TMEM259: variants seen among roughly 807,000 people sequenced by gnomAD.
The protein encoded by TMEM259 is transmembrane protein 259.
TMEM259 carries 26 observed loss-of-function variants against 46.7 expected under a neutral mutation model. The observed-to-expected ratio is 0.56, with a 90% CI of 0.41 to 0.77. TMEM259 has a LOEUF of 0.77. Among genes scored for constraint, TMEM259 ranks in the 30% least tolerant of loss-of-function variants. TMEM259 has a pLI of 0.00. For missense variants in TMEM259, 930 were observed against 900.5 expected, an observed-to-expected ratio of 1.03 and a Z score of -0.42; for synonymous variants, 494 against 395.1, an observed-to-expected ratio of 1.25 and a Z score of -2.97.
In TMEM259 at chr19:1,010,700, C is replaced by T. The variant is rs541213100; in HGVS notation, c.1513G>A (p.Val505Ile). 8.8e-4 allele frequency: 1,354 copies of T among 1,530,010 alleles called. 1 individual carries two copies. Among genetic ancestry groups the T allele is most frequent in the Non-Finnish European group, 1.1e-3 (1,226 of 1,144,414 alleles). 94.8% of individuals were successfully genotyped at this position (1,530,010 alleles called of 1,614,324 possible). The change falls in exon 11 of 11, where the codon GTC becomes ATC. Residue 505 changes from valine (V) to isoleucine (I), a missense_variant. Transcript: ENST00000356663. ...SAGQPPALGP[V>I]SPGASGSPGP... ...GGACTCCCGCTGGCCCCAGGCGAGACGGGGCCCAGGGCGGGGGGCTGGCCG... is the reference window on the plus strand; with the variant it reads ...GGACTCCCGCTGGCCCCAGGCGAGATGGGGCCCAGGGCGGGGGGCTGGCCG...
chr19:1,014,549 CGT>C, intron 1 of TMEM259, 76 bp from the exon 2 acceptor site: 1 of 1,363,538 alleles, frequency 7.3e-7, no homozygotes, highest in Non-Finnish European at 9.6e-7. Flanking sequence ...CGTGATGGGG[CGT>C]GATGGGGCGC....
At chr19:1,016,658 C>G (rs1019181301) in intron 1 of TMEM259, among the ~76,000 whole-genome samples, 2 of 152,310 alleles carry the variant, frequency 1.3e-5, no homozygotes, top group East Asian at 1.9e-4. Flanking sequence ...ACAGAGGTCC[C>G]GACAGACCTG....
At chr19:1,015,497 G>A (rs910070986) in intron 1 of TMEM259, among the ~76,000 whole-genome samples, 1 of 152,170 alleles carries the variant, frequency 6.6e-6, no homozygotes, top group African/African-American at 2.4e-5. Context: ...CAGGGAGCCC[G>A]CCTCACCGTC....
chr19:1,019,792 C>T (rs1002074005), intron 1 of TMEM259, among the ~76,000 whole-genome samples: 11 of 152,206 alleles, frequency 7.2e-5, no homozygotes, highest in Non-Finnish European at 1.3e-4. Flanking sequence ...CCCCAAGCCC[C>T]GGCGCGGCGG....
At chr19:1,014,566 G>A in intron 1 of TMEM259, 93 bp from the exon 2 acceptor site, 1 of 1,374,690 alleles carries the variant, frequency 7.3e-7, no homozygotes, top group Admixed American at 2.4e-5. Context: ...GGGCGCGCTG[G>A]GACGCCCAGG....
Position 1,009,760 on chromosome 19 carries a change from G to A in TMEM259, c.*590C>T. On this transcript the variant is annotated 3_prime_UTR_variant, in exon 11 of 11. Coordinates refer to ENST00000356663, the MANE Select transcript of TMEM259 (RefSeq NM_001033026.2). ...CATTCCTCCCCGAGTGACTGGTTTG[G>A]CCGCCGGCCCACTCCATCCCCGAGT... 1.5e-6 allele frequency: 1 copy of A among 681,336 alleles called. No homozygotes were observed. Among genetic ancestry groups the A allele is most frequent in the Non-Finnish European group, 2.2e-6 (1 of 460,772 alleles). The allele number at this position is 681,336 out of a possible 1,614,324, so 42.2% of individuals were successfully genotyped here.
At chr19:1,017,245 C>G (rs2039140184) in intron 1 of TMEM259, 1 of 400,102 alleles carries the variant, frequency 2.5e-6, no homozygotes, top group Admixed American at 4.4e-5. Flanking sequence ...GCAGCCTCGT[C>G]CACGCCCACA....
intron 4 of TMEM259, 56 bp downstream of exon 4, chr19:1,012,407 A>C: frequency 6.5e-7 from 1 of 1,535,166 alleles, no homozygotes; most frequent in Non-Finnish European, 8.8e-7. Context: ...AGGAGACCCG[A>C]GGGAGGAGGG....
At chr19:1,013,573 A>G in intron 2 of TMEM259, 1 of 506,186 alleles carries the variant, frequency 2.0e-6, no homozygotes, top group Non-Finnish European at 3.6e-6. Flanking sequence ...CCTGAAGCTG[A>G]GGCAAGGGCC....
Position 1,011,612 on chromosome 19 carries a change from G to T in TMEM259, c.1052C>A (p.Ala351Glu). ...GGCCAGGATGACGGTCAGCAGGGGC[G>T]CTGCGGGGAAGGCGATGGCCATGTT... ...EMNMAIAFPA[A>E]PLLTVILALV... The change falls in exon 8 of 11, where the codon GCG becomes GAG. Residue 351 changes from alanine to glutamate, a missense_variant. By Grantham distance (107) the Ala-to-Glu change is moderately radical (BLOSUM62 -1). Coordinates refer to ENST00000356663, the MANE Select transcript of TMEM259 (RefSeq NM_001033026.2). The T allele has an allele frequency of 6.5e-7, 1 of 1,545,878 alleles. No individual in the cohort carries two copies. The highest frequency in any genetic ancestry group is 8.7e-7 in the Non-Finnish European group (1 of 1,145,562).
chr19:1,009,680 T>TACAA lies in TMEM259; in HGVS notation c.*666_*669dup, dbSNP rs1472405243. ...CTGTCAACAGACAGTTTATTCTATA[T>TACAA]ACAAACACAATTTTGTACACTGCAA... On this transcript the variant is annotated 3_prime_UTR_variant, in exon 11 of 11. Transcript: ENST00000356663. The TACAA allele has an allele frequency of 2.6e-6, 3 of 1,170,602 alleles. No homozygotes were observed. The African/African-American group carries it at 4.9e-5, about 19-fold the overall frequency. The allele number at this position is 1,170,602 out of a possible 1,614,324, so 72.5% of individuals were successfully genotyped here.
At position 1,010,382 on chromosome 19, in the gene TMEM259, G is replaced by A. The variant is rs2038860663; in HGVS notation, c.1831C>T (p.Pro611Ser). The A allele has an allele frequency of 6.6e-7, 1 of 1,506,778 alleles. No individual in the cohort carries two copies. Among genetic ancestry groups the A allele is most frequent in the Non-Finnish European group, 8.8e-7 (1 of 1,135,290 alleles). 93.3% of individuals were successfully genotyped at this position (1,506,778 alleles called of 1,614,324 possible). The change falls in exon 11 of 11, where the codon CCA becomes TCA. Residue 611 changes from proline (P) to serine (S), a missense_variant. Pro to Ser is a moderately conservative substitution (Grantham distance 74). Transcript: ENST00000356663. ...CCCACCTCCGAGGGCGCCTCCGTTG[G>A]GGCCATGGAGGCCGGGCTAGGCCCG... ...VGGPSPASMA[P>S]TEAPSEVGS
rs1299196510 is a variant in TMEM259, at chr19:1,010,878, G to A, written c.1335C>T (p.Phe445=). 4.5e-6 allele frequency: 7 copies of A among 1,539,788 alleles called. No homozygotes were observed. Among genetic ancestry groups the A allele is most frequent in the African/African-American group, 2.8e-5 (2 of 72,412 alleles). Residue 445 remains phenylalanine (F), a synonymous_variant, in exon 11 of 11, where the codon TTC becomes TTT. Coordinates refer to ENST00000356663, the MANE Select transcript of TMEM259 (RefSeq NM_001033026.2). ...TGGCAGGCAGCTCGTAGTGGTGGAA[G>A]AAGTAGATCATGGAATGCTGCGGGA... ...WLFIQHSMIY[F]FHHYELPAIL...
At chr19:1,017,425 ACGG>A (rs1471944841) in intron 1 of TMEM259, 8 of 399,636 alleles carry the variant, frequency 2.0e-5, no homozygotes, top group Non-Finnish European at 3.5e-5. Flanking sequence ...CTCCAGCCCC[ACGG>A]CCTTCCCACA....
In TMEM259 at chr19:1,012,012, G is replaced by A. The variant is rs371078138; in HGVS notation, c.842-20C>T. On this transcript the variant is annotated intron_variant, in intron 5 of 10. Coordinates refer to ENST00000356663, the MANE Select transcript of TMEM259 (RefSeq NM_001033026.2). ...GGAAGCCTGCAGCAGAAGGAGCCGT[G>A]AGCGCCCGCCCCCACCCGCGCCCTC... 6.8e-6 allele frequency: 11 copies of A among 1,611,600 alleles called. No homozygotes were observed. The highest frequency in any genetic ancestry group is 2.2e-5 in the South Asian group (2 of 91,000).
rs754805969 is a variant in TMEM259, at chr19:1,010,656, C to T, written c.1557G>A (p.Ala519=). ...CTGCCGCGGCCACCAGGGAGCTGGG[C>T]GCCGCTGCCACAGGCCCGGGACTCC... ...ASGSPGPVAA[A]PSSLVAAAAS... The change falls in exon 11 of 11, where the codon GCG becomes GCA. Residue 519 remains alanine (A), a synonymous_variant. Transcript: ENST00000356663. The T allele has an allele frequency of 1.6e-5, 25 of 1,537,846 alleles. No individual in the cohort carries two copies. Among genetic ancestry groups the T allele is most frequent in the Admixed American group, 1.4e-4 (7 of 51,182 alleles).
At chr19:1,013,053 C>T (rs996457138) in intron 3 of TMEM259, among the ~76,000 whole-genome samples, 188 bp downstream of exon 3, 8 of 152,206 alleles carry the variant, frequency 5.3e-5, no homozygotes, top group African/African-American at 1.9e-4. Flanking sequence ...GCCAGTTACC[C>T]CAGGCTCTGG....
chr19:1,013,815 G>T (rs1028597328), intron 2 of TMEM259, among the ~76,000 whole-genome samples: 1 of 152,226 alleles, frequency 6.6e-6, no homozygotes, highest in Non-Finnish European at 1.5e-5. Flanking sequence ...GCCACCTCAG[G>T]ACGGCCAGGA....
In TMEM259 at chr19:1,011,967, G is replaced by C. The variant is rs745422323; in HGVS notation, c.867C>G (p.Gly289=). ...ACATGCTCACAAAGCGGTAGTGCTC[G>C]CCCGACACCACATTCCGCAGGAAGC... ...NKGFLRNVVS[G]EHYRFVSMWM... Residue 289 remains glycine, a synonymous_variant, in exon 6 of 11, where the codon GGC becomes GGG. Coordinates refer to ENST00000356663, the MANE Select transcript of TMEM259 (RefSeq NM_001033026.2). The C allele has an allele frequency of 6.2e-7, 1 of 1,612,064 alleles. No homozygotes were observed. The highest frequency in any genetic ancestry group is 1.1e-5 in the South Asian group (1 of 91,070).
Sources: gnomAD v4.1 joint callset for allele counts (sites outside exome capture counted in the v4.1 genomes callset) on GRCh38, gnomAD v4.1.1 for gene constraint, MANE v1.5 for transcripts, NCBI Gene and HGNC (gene_info 2026-07-23, HGNC 2026-07-21) for gene names.